The following ROBO2 variants were observed in gnomAD, a reference collection of about 807,000 sequenced individuals.
ROBO2 encodes the protein roundabout homolog 2.
Under a neutral mutation model 160.8 loss-of-function variants are expected in ROBO2, and 53 were observed. That is an observed-to-expected ratio of 0.33 (90% CI 0.26 to 0.41). The LOEUF (loss-of-function observed/expected upper bound fraction) is 0.41, where lower values mean the gene tolerates loss of function less well. Ranked by LOEUF, ROBO2 falls within the 10% of genes least tolerant of loss-of-function variation. ROBO2 has a pLI of 1.00. For synonymous variants in ROBO2, 664 were observed against 611.7 expected, an observed-to-expected ratio of 1.09 and a Z score of -1.26; for missense variants, 1,577 against 1,722.4, an observed-to-expected ratio of 0.92 and a Z score of 1.49.
At chr3:76,576,625 T>C (rs982863809) in intron 2 of ROBO2, among the ~76,000 whole-genome samples, 3 of 151,594 alleles carry the variant, frequency 2.0e-5, no homozygotes, top group East Asian at 3.8e-4. Context: ...TAAAATCTCA[T>C]TTTTTAAAAA....
At chr3:77,550,889 A>G (rs1559595145) in exon 8 of ROBO2, 4 of 1,613,138 alleles carry the variant, frequency 2.5e-6, no homozygotes, top group Non-Finnish European at 3.4e-6. Context: ...GAGACCTCAC[A>G]ATCACCAACA....
intron 2 of ROBO2, among the ~76,000 whole-genome samples, chr3:76,277,540 G>C (rs141631747): frequency 0.08 from 12,086 of 151,870 alleles, 821 homozygotes; most frequent in African/African-American, 0.18. Flanking sequence ...GGTATAAAAT[G>C]AAAGAAGCAA....
chr3:77,165,167 C>T (rs1175620200), intron 2 of ROBO2, among the ~76,000 whole-genome samples: 1 of 151,140 alleles, frequency 6.6e-6, no homozygotes, highest in Non-Finnish European at 1.5e-5. Context: ...GTTGCCGTGT[C>T]TGTGTGGAAA....
intron 2 of ROBO2, among the ~76,000 whole-genome samples, chr3:76,484,824 G>T (rs2079402989): frequency 6.6e-6 from 1 of 151,956 alleles, no homozygotes; most frequent in African/African-American, 2.4e-5. Flanking sequence ...TTTTAAAAAA[G>T]AATAAAAGGA....
intron 2 of ROBO2, among the ~76,000 whole-genome samples, chr3:76,837,232 A>G (rs1056472048): frequency 4.6e-5 from 7 of 151,924 alleles, no homozygotes; most frequent in East Asian, 1.9e-4. Flanking sequence ...AAATATTTCA[A>G]TTGATAGGTA....
chr3:77,156,435 T>C (rs1193789076), intron 2 of ROBO2, among the ~76,000 whole-genome samples: 1 of 152,050 alleles, frequency 6.6e-6, no homozygotes, highest in African/African-American at 2.4e-5. Flanking sequence ...CTAAGAACTG[T>C]TGTGAATGTG....
chr3:75,941,964 CCTCT>C (rs201700613), intron 2 of ROBO2, among the ~76,000 whole-genome samples: 3 of 150,590 alleles, frequency 2.0e-5, no homozygotes, highest in African/African-American at 7.3e-5. Flanking sequence ...GATAAACAGC[CCTCT>C]CTCTCTCTCT....
intron 2 of ROBO2, among the ~76,000 whole-genome samples, chr3:77,232,276 AG>A (rs2151292964): frequency 6.6e-6 from 1 of 152,262 alleles, no homozygotes; most frequent in African/African-American, 2.4e-5. Flanking sequence ...GTAGGTGGCC[AG>A]GGAGAGCTAT....
At position 75,925,159 on chromosome 3, in the gene ROBO2, G is replaced by A. The variant is rs927966107; in HGVS notation, c.-13-12322G>A. Among the ~76,000 whole-genome samples, 11 of 152,062 alleles carry A rather than the reference G, an allele frequency of 7.2e-5. No individual in the cohort carries two copies. The East Asian group carries it at 2.2e-3, about 30-fold the overall frequency. On this transcript the variant is annotated intron_variant, in intron 1 of 26. Transcript: ENST00000487694. ...TGTCATCCCAGCACTTTGGGAGGCC[G>A]GGGCAGACGGGTTGCTTGAGCCCAG...
chr3:76,632,721 G>A (rs1035239593), intron 2 of ROBO2, among the ~76,000 whole-genome samples: 4 of 151,978 alleles, frequency 2.6e-5, no homozygotes, highest in African/African-American at 7.2e-5. Flanking sequence ...CTCATTTAAC[G>A]AATTTCAAAA....
intron 2 of ROBO2, among the ~76,000 whole-genome samples, chr3:77,265,487 A>G (rs1001517): frequency 0.81 from 123,002 of 152,104 alleles, 50,291 homozygotes; most frequent in East Asian, 0.95. Flanking sequence ...TGATATAAAT[A>G]TGAAAAAATA....
At chr3:76,622,409 G>C (rs1483329616) in intron 2 of ROBO2, among the ~76,000 whole-genome samples, 1 of 152,112 alleles carries the variant, frequency 6.6e-6, no homozygotes, top group Non-Finnish European at 1.5e-5. Context: ...AGGATAGCAT[G>C]AGCCATGATC....
At chr3:76,045,444 A>G (rs1430874067) in intron 2 of ROBO2, among the ~76,000 whole-genome samples, 2 of 152,052 alleles carry the variant, frequency 1.3e-5, no homozygotes, top group Non-Finnish European at 2.9e-5. Context: ...ACCAGATCTG[A>G]AACACTAAAA....
rs1165641345 is a variant in ROBO2, at chr3:76,273,079, A to G, written c.109+335477A>G. 6.0e-5 allele frequency among the ~76,000 whole-genome samples: 6 copies of G among 100,100 alleles called. No individual in the cohort carries two copies. The Admixed American group carries it at 8.4e-4, about 14-fold the overall frequency. 65.7% of individuals were successfully genotyped at this position (100,100 alleles called of 152,430 possible). ...ATATATAAAAAATATATATAAATAT[A>G]ATATATATAAAATACACACACATAT... On this transcript the variant is annotated intron_variant, in intron 2 of 26. Transcript: ENST00000487694.
At chr3:77,626,074 C>A (rs552307557) in intron 23 of ROBO2, among the ~76,000 whole-genome samples, 2 of 152,124 alleles carry the variant, frequency 1.3e-5, no homozygotes, top group Non-Finnish European at 2.9e-5. Context: ...TCTGGAAACA[C>A]ACAACTTTCT....
intron 2 of ROBO2, among the ~76,000 whole-genome samples, chr3:76,430,789 G>T (rs1346782800): frequency 6.6e-6 from 1 of 151,970 alleles, no homozygotes; most frequent in Non-Finnish European, 1.5e-5. Flanking sequence ...CTTAGTAGTT[G>T]TTCAGCCAAT....
chr3:76,839,970 A>G (rs999890998), intron 2 of ROBO2, among the ~76,000 whole-genome samples: 2 of 152,120 alleles, frequency 1.3e-5, no homozygotes, highest in African/African-American at 2.4e-5. Context: ...GCTCATAGGT[A>G]CCTCTACTAA....
At chr3:76,815,851 A>G (rs905089106) in intron 2 of ROBO2, among the ~76,000 whole-genome samples, 1 of 152,108 alleles carries the variant, frequency 6.6e-6, no homozygotes, top group African/African-American at 2.4e-5. Context: ...TTTCTCCTCA[A>G]GGCTGCACTT....
chr3:76,728,429 A>G (rs1253792108), intron 2 of ROBO2, among the ~76,000 whole-genome samples: 3 of 152,192 alleles, frequency 2.0e-5, no homozygotes, highest in African/African-American at 7.2e-5. Flanking sequence ...TCTAAAGTTA[A>G]CTCTTATAAT....
Sources: gnomAD v4.1 joint callset for allele counts (sites outside exome capture counted in the v4.1 genomes callset) on GRCh38, gnomAD v4.1.1 for gene constraint, MANE v1.5 for transcripts, NCBI Gene and HGNC (gene_info 2026-07-23, HGNC 2026-07-21) for gene names.